NPAS3: variants seen among roughly 807,000 people sequenced by gnomAD.
The protein encoded by NPAS3 is neuronal PAS domain protein 3, also known as neuronal PAS domain-containing protein 3.
A neutral mutation model predicts 73.1 loss-of-function variants in NPAS3; 14 were observed. That is an observed-to-expected ratio of 0.19 (90% CI 0.13 to 0.30). The LOEUF (loss-of-function observed/expected upper bound fraction) is 0.30, where lower values mean the gene tolerates loss of function less well. Among genes scored for constraint, NPAS3 ranks in the 10% least tolerant of loss-of-function variants. The probability of loss-of-function intolerance (pLI) is 1.00; values close to 1 mark genes in which losing one functional copy is unlikely to be tolerated. For missense variants in NPAS3, 1,096 were observed against 1,250.0 expected, an observed-to-expected ratio of 0.88 and a Z score of 1.86; for synonymous variants, 620 against 541.5, an observed-to-expected ratio of 1.14 and a Z score of -2.01.
At chr14:33,108,498 A>G (rs568096072) in intron 2 of NPAS3, among the ~76,000 whole-genome samples, 75 of 152,252 alleles carry the variant, frequency 4.9e-4, no homozygotes, top group African/African-American at 1.8e-3. Flanking sequence ...ATTTTAGGCA[A>G]GCATTATGAC....
At chr14:33,744,328 G>A (rs958611130) in intron 7 of NPAS3, among the ~76,000 whole-genome samples, 5 of 152,156 alleles carry the variant, frequency 3.3e-5, no homozygotes, top group Non-Finnish European at 7.3e-5. Context: ...CCTGAGGAGA[G>A]GGAGAGAGAC....
At chr14:33,064,143 A>G (rs1397146592) in intron 2 of NPAS3, among the ~76,000 whole-genome samples, 1 of 152,184 alleles carries the variant, frequency 6.6e-6, no homozygotes, top group South Asian at 2.1e-4. Context: ...AATTTCATAC[A>G]TGAGAAAATT....
chr14:33,336,199 G>A (rs984269069), intron 3 of NPAS3, among the ~76,000 whole-genome samples: 1 of 152,080 alleles, frequency 6.6e-6, no homozygotes, highest in African/African-American at 2.4e-5. Flanking sequence ...CACAAACATA[G>A]CAGCTTAAAA....
At chr14:33,670,984 A>T (rs190087198) in intron 5 of NPAS3, among the ~76,000 whole-genome samples, 2 of 149,540 alleles carry the variant, frequency 1.3e-5, no homozygotes, top group Admixed American at 1.4e-4. Flanking sequence ...AGTAGGTTTT[A>T]AATGACCCTT....
At chr14:33,010,696 A>T (rs2039157782) in intron 1 of NPAS3, among the ~76,000 whole-genome samples, 2 of 152,184 alleles carry the variant, frequency 1.3e-5, no homozygotes, top group Admixed American at 6.5e-5. Flanking sequence ...TCACGCCTGT[A>T]ATTTCAGTGC....
At chr14:33,648,487 G>A (rs1437272802) in intron 5 of NPAS3, among the ~76,000 whole-genome samples, 2 of 152,118 alleles carry the variant, frequency 1.3e-5, no homozygotes, top group East Asian at 1.9e-4. Context: ...AGAAAGGAAG[G>A]CTTTATGGAA....
intron 3 of NPAS3, among the ~76,000 whole-genome samples, chr14:33,251,674 A>G (rs902697016): frequency 3.3e-5 from 5 of 152,144 alleles, no homozygotes; most frequent in African/African-American, 1.2e-4. Flanking sequence ...TTATCTCAGA[A>G]CAAATATGAA....
intron 1 of NPAS3, among the ~76,000 whole-genome samples, chr14:32,957,496 C>T (rs529181209): frequency 2.1e-4 from 32 of 151,794 alleles, no homozygotes; most frequent in Non-Finnish European, 3.7e-4. Flanking sequence ...CTCAGCCTCC[C>T]GAGTAGCTGG....
At chr14:33,181,709 A>G (rs945335936) in intron 2 of NPAS3, among the ~76,000 whole-genome samples, 1 of 152,234 alleles carries the variant, frequency 6.6e-6, no homozygotes, top group African/African-American at 2.4e-5. Context: ...ATAAAATGTG[A>G]TTAGTAATTC....
chr14:33,056,926 CTT>C (rs574163320), intron 2 of NPAS3, among the ~76,000 whole-genome samples: 108 of 152,294 alleles, frequency 7.1e-4, no homozygotes, highest in Admixed American at 6.5e-3. Context: ...TCTTCACACT[CTT>C]AACTTCTTTT....
chr14:33,563,537 C>CACACACACACACAGAGAGAGAGAGAG, intron 5 of NPAS3, among the ~76,000 whole-genome samples: 9 of 119,696 alleles, frequency 7.5e-5, no homozygotes, highest in African/African-American at 1.9e-4. Context: ...CACACACACA[C>CACACACACACACAGAGAGAGAGAGAG]AGAGAGAGAG....
intron 3 of NPAS3, among the ~76,000 whole-genome samples, chr14:33,221,616 A>AT (rs1192526037): frequency 2.0e-5 from 3 of 152,068 alleles, no homozygotes; most frequent in East Asian, 3.9e-4. Flanking sequence ...TGTCTCTAAA[A>AT]TTTTTTTTAA....
chr14:33,766,308 A>G, intron 7 of NPAS3, among the ~76,000 whole-genome samples: 1 of 152,138 alleles, frequency 6.6e-6, no homozygotes, highest in East Asian at 1.9e-4. Flanking sequence ...TTCCTGAACC[A>G]ACCTTCCCTT....
intron 2 of NPAS3, among the ~76,000 whole-genome samples, chr14:33,103,195 C>T (rs1056213766): frequency 2.6e-5 from 4 of 152,146 alleles, no homozygotes; most frequent in African/African-American, 7.2e-5. Flanking sequence ...AAACCAGGCT[C>T]TCATGACAAA....
chr14:32,999,044 A>G (rs1379494117), intron 1 of NPAS3, among the ~76,000 whole-genome samples: 3 of 152,206 alleles, frequency 2.0e-5, no homozygotes, highest in Non-Finnish European at 4.4e-5. Context: ...CATGCCAGGG[A>G]ACATAGTGGG....
At chr14:33,532,898 T>C (rs1270638678) in intron 4 of NPAS3, among the ~76,000 whole-genome samples, 1 of 152,088 alleles carries the variant, frequency 6.6e-6, no homozygotes, top group Non-Finnish European at 1.5e-5. Context: ...AAAACCATGC[T>C]TACACTTTAA....
At chr14:33,345,115 G>A (rs1313433892) in intron 3 of NPAS3, among the ~76,000 whole-genome samples, 7 of 152,192 alleles carry the variant, frequency 4.6e-5, no homozygotes, top group African/African-American at 4.8e-5. Context: ...GCAAAGGAGT[G>A]TGTTCCAGAA....
Position 33,050,515 on chromosome 14 carries a change from C to G in NPAS3, c.51-5390C>G, listed in dbSNP as rs1262972131. 2.6e-5 allele frequency among the ~76,000 whole-genome samples: 4 copies of G among 152,118 alleles called. No individual in the cohort carries two copies. The East Asian group carries it at 7.7e-4, about 29-fold the overall frequency. ...ATTCTGCTCCATCTTATCTGCATAC[C>G]TTCTAAAGGGGAGGGCCTAGAACTT... On this transcript the variant is annotated intron_variant, in intron 1 of 11. Transcript: ENST00000356141.
intron 5 of NPAS3, among the ~76,000 whole-genome samples, chr14:33,582,950 TGGAC>T (rs1372032689): frequency 3.4e-5 from 5 of 147,112 alleles, no homozygotes. Flanking sequence ...CTACTTCCTT[TGGAC>T]CTAGATATTT....
Sources: gnomAD v4.1 joint callset for allele counts (sites outside exome capture counted in the v4.1 genomes callset) on GRCh38, gnomAD v4.1.1 for gene constraint, MANE v1.5 for transcripts, NCBI Gene and HGNC (gene_info 2026-07-23, HGNC 2026-07-21) for gene names.